NSMCE2: variants seen among roughly 807,000 people sequenced by gnomAD.
NSMCE2 encodes the protein E3 SUMO-protein ligase NSE2.
Under a neutral mutation model 23.8 loss-of-function variants are expected in NSMCE2, and 24 were observed. The ratio of observed to expected loss-of-function variants is 1.01; its 90% CI spans 0.73 to 1.42. NSMCE2 has a LOEUF of 1.42. Among genes scored for constraint, NSMCE2 ranks in the 40% most tolerant of loss-of-function variants. The pLI, the probability that NSMCE2 is intolerant of heterozygous loss-of-function variation, is 0.00. For synonymous variants in NSMCE2, 92 were observed against 94.1 expected, an observed-to-expected ratio of 0.98 and a Z score of 0.13; for missense variants, 284 against 296.5, an observed-to-expected ratio of 0.96 and a Z score of 0.31.
rs539103059 is a variant in NSMCE2, at chr8:125,220,419, A to G, written c.418+38163A>G. Among the ~76,000 whole-genome samples the G allele has an allele frequency of 3.3e-5, 5 of 152,262 alleles. No homozygotes were observed. In the East Asian group the frequency reaches 9.6e-4, roughly 29 times the overall value. The stretch of plus-strand genomic sequence containing the variant: ...TTAGAATTTTAATGGTTTGTATAGA[A>G]AGAGTTTTCCTGTGACAACCTAAAA... On this transcript the variant is annotated intron_variant, in intron 5 of 7. Coordinates refer to ENST00000287437, the MANE Select transcript of NSMCE2 (RefSeq NM_173685.4).
chr8:125,231,412 T>C (rs114353223), intron 5 of NSMCE2, among the ~76,000 whole-genome samples: 2 of 152,338 alleles, frequency 1.3e-5, no homozygotes, highest in African/African-American at 4.8e-5. Flanking sequence ...GATTAAAGCA[T>C]CTGAAGACCT....
At position 125,140,385 on chromosome 8, in the gene NSMCE2, A is replaced by G. The variant is rs565299625; in HGVS notation, c.158-10786A>G. Among the ~76,000 whole-genome samples, 6 of 152,328 alleles carry G rather than the reference A, an allele frequency of 3.9e-5. No homozygotes were observed. The East Asian group carries it at 1.2e-3, about 29-fold the overall frequency. ...TTTTTTCAATAATCATATAAAGGCC[A>G]GGCACAGTGGCTCACGCCTGTAATC... On this transcript the variant is annotated intron_variant, in intron 3 of 7. Transcript: ENST00000287437.
At chr8:125,158,583 A>G (rs1382087621) in intron 4 of NSMCE2, among the ~76,000 whole-genome samples, 1 of 152,234 alleles carries the variant, frequency 6.6e-6, no homozygotes, top group Admixed American at 6.5e-5. Flanking sequence ...AGGCCATCCT[A>G]GCAGCTAATT....
chr8:125,172,895 C>T (rs1048589482), intron 4 of NSMCE2, among the ~76,000 whole-genome samples: 1 of 152,104 alleles, frequency 6.6e-6, no homozygotes, highest in Admixed American at 6.5e-5. Flanking sequence ...ATCTGACTGA[C>T]GTTTATCTGA....
At chr8:125,150,087 AG>A (rs1820913355) in intron 3 of NSMCE2, among the ~76,000 whole-genome samples, 1 of 152,046 alleles carries the variant, frequency 6.6e-6, no homozygotes, top group Non-Finnish European at 1.5e-5. Context: ...CTGCAAATCC[AG>A]GAGGACTGCC....
At chr8:125,102,596 T>G in intron 3 of NSMCE2, 109 bp downstream of exon 3, 2 of 801,208 alleles carry the variant, frequency 2.5e-6, no homozygotes, top group South Asian at 3.2e-5. Flanking sequence ...TTAACCCCTC[T>G]AGGCATCTGT....
chr8:125,260,253 A>C lies in NSMCE2; in HGVS notation c.418+77997A>C, dbSNP rs549684707. Reference sequence around the variant, plus strand: ...GGAATGTGACTACCTGGAAGAATCTAGTTCCTTAGGCTAAGTCACTAGTGT... The same window carrying C: ...GGAATGTGACTACCTGGAAGAATCTCGTTCCTTAGGCTAAGTCACTAGTGT... On this transcript the variant is annotated intron_variant, in intron 5 of 7. Transcript: ENST00000287437. 5.3e-5 allele frequency among the ~76,000 whole-genome samples: 8 copies of C among 152,300 alleles called. No homozygotes were observed. In the East Asian group the frequency reaches 1.5e-3, roughly 29 times the overall value.
At chr8:125,126,401 G>T (rs1322894704) in intron 3 of NSMCE2, among the ~76,000 whole-genome samples, 2 of 151,750 alleles carry the variant, frequency 1.3e-5, no homozygotes, top group Non-Finnish European at 2.9e-5. Flanking sequence ...GACAGTTATT[G>T]TCTTTGCTCA....
intron 4 of NSMCE2, among the ~76,000 whole-genome samples, chr8:125,161,292 C>T (rs2130726724): frequency 6.6e-6 from 1 of 151,538 alleles, no homozygotes; most frequent in Middle Eastern, 3.4e-3. Flanking sequence ...TTTTTCTGGA[C>T]TTCCTTTTTT....
At chr8:125,126,430 G>C (rs1037752947) in intron 3 of NSMCE2, among the ~76,000 whole-genome samples, 1 of 151,922 alleles carries the variant, frequency 6.6e-6, no homozygotes, top group Non-Finnish European at 1.5e-5. Flanking sequence ...GAGGAGATGT[G>C]TGAGACCATG....
intron 5 of NSMCE2, among the ~76,000 whole-genome samples, chr8:125,355,061 A>G (rs1403806921): frequency 6.6e-6 from 1 of 152,212 alleles, no homozygotes; most frequent in Non-Finnish European, 1.5e-5. Flanking sequence ...ATCCCCCAAG[A>G]TATTTCATCA....
At chr8:125,182,040 C>CA in intron 4 of NSMCE2, 63 bp from the exon 5 acceptor site, 1 of 1,240,954 alleles carries the variant, frequency 8.1e-7, no homozygotes, top group Non-Finnish European at 1.1e-6. Context: ...AACAATGTTG[C>CA]AAAACTTTGT....
intron 4 of NSMCE2, among the ~76,000 whole-genome samples, chr8:125,159,202 T>C (rs1821474234): frequency 6.6e-6 from 1 of 152,220 alleles, no homozygotes; most frequent in African/African-American, 2.4e-5. Context: ...TATTTTTCTA[T>C]CAGTTATTGT....
intron 5 of NSMCE2, 82 bp downstream of exon 5, chr8:125,182,338 A>G (rs1276543263): frequency 2.8e-6 from 3 of 1,080,226 alleles, no homozygotes; most frequent in East Asian, 4.9e-5. Flanking sequence ...AACTGATTTT[A>G]TAAAGTTTGC....
chr8:125,293,505 C>G (rs7843098), intron 5 of NSMCE2, among the ~76,000 whole-genome samples: 132,991 of 147,902 alleles, frequency 0.9, 59,995 homozygotes, highest in African/African-American at 0.96. Context: ...ATTTGAACTT[C>G]GTTCAATAAA....
intron 5 of NSMCE2, among the ~76,000 whole-genome samples, chr8:125,187,551 A>T (rs1823160447): frequency 6.6e-6 from 1 of 152,216 alleles, no homozygotes; most frequent in African/African-American, 2.4e-5. Context: ...GAACTTAATT[A>T]GAATGTGTGA....
intron 4 of NSMCE2, among the ~76,000 whole-genome samples, chr8:125,164,713 G>A (rs1163626708): frequency 6.6e-6 from 1 of 152,060 alleles, no homozygotes; most frequent in East Asian, 1.9e-4. Flanking sequence ...GTAGTGGTGT[G>A]AATATGAAGG....
intron 5 of NSMCE2, among the ~76,000 whole-genome samples, chr8:125,227,805 G>A (rs1198877717): frequency 1.1e-4 from 16 of 152,122 alleles, no homozygotes; most frequent in Non-Finnish European, 1.5e-5. Flanking sequence ...ATAACATTTT[G>A]TGGTTTCTTT....
chr8:125,202,627 G>A (rs79958100), intron 5 of NSMCE2, among the ~76,000 whole-genome samples: 4,744 of 152,188 alleles, frequency 0.031, 247 homozygotes, highest in African/African-American at 0.11. Context: ...TATGTGAAAA[G>A]TGTTTTATAA....
Sources: allele counts gnomAD v4.1 joint callset (sites outside exome capture counted in the v4.1 genomes callset), GRCh38; gene constraint gnomAD v4.1.1; transcripts MANE v1.5; gene names NCBI Gene and HGNC (gene_info 2026-07-23, HGNC 2026-07-21).